Variants in NCAM2 observed in about 807,000 individuals in gnomAD.
NCAM2 encodes the protein N-CAM-2.
In NCAM2, 30 loss-of-function variants were observed where a neutral mutation model predicts 98.1. That is an observed-to-expected ratio of 0.31 (90% CI 0.23 to 0.41). The LOEUF (loss-of-function observed/expected upper bound fraction) is 0.41. NCAM2 is among the 10% of genes least tolerant of loss of function. NCAM2 has a pLI of 1.00. For missense variants in NCAM2, 867 were observed against 1,005.8 expected (o/e 0.86, Z 1.87); for synonymous variants, 368 against 342.4 (o/e 1.07, Z -0.83).
intron 1 of NCAM2, among the ~76,000 whole-genome samples, chr21:21,162,955 A>G (rs928547931): frequency 6.6e-6 from 1 of 152,170 alleles, no homozygotes; most frequent in African/African-American, 2.4e-5. Flanking sequence ...CTGTGAGGAG[A>G]TAAAACTGCT....
chr21:21,427,317 TAAAG>T (rs2077236339), intron 11 of NCAM2, among the ~76,000 whole-genome samples: 1 of 151,948 alleles, frequency 6.6e-6, no homozygotes, highest in Non-Finnish European at 1.5e-5. Flanking sequence ...AGCTATCTGA[TAAAG>T]AAAAATTTTG....
chr21:21,258,263 A>G (rs1601787992), intron 1 of NCAM2, among the ~76,000 whole-genome samples: 1 of 152,308 alleles, frequency 6.6e-6, no homozygotes, highest in South Asian at 2.1e-4. Flanking sequence ...TAGGGTAAGT[A>G]ATAAAATATT....
chr21:21,207,905 G>A (rs946816578), intron 1 of NCAM2, among the ~76,000 whole-genome samples: 4 of 152,096 alleles, frequency 2.6e-5, no homozygotes, highest in Non-Finnish European at 4.4e-5. Flanking sequence ...CTTTTCATAT[G>A]ACTTGTCAAG....
chr21:21,105,879 G>T (rs988712272), intron 1 of NCAM2, among the ~76,000 whole-genome samples: 2 of 151,998 alleles, frequency 1.3e-5, no homozygotes, highest in Admixed American at 1.3e-4. Flanking sequence ...ATTTATAATA[G>T]TGGATACTTG....
intron 9 of NCAM2, among the ~76,000 whole-genome samples, chr21:21,391,902 T>C (rs576315620): frequency 6.6e-6 from 1 of 152,230 alleles, no homozygotes; most frequent in African/African-American, 2.4e-5. Context: ...TAAGAGCAAT[T>C]ATCAATGAGT....
intron 1 of NCAM2, among the ~76,000 whole-genome samples, chr21:21,091,447 A>C (rs541646100): frequency 5.3e-5 from 8 of 152,246 alleles, no homozygotes; most frequent in African/African-American, 1.9e-4. Flanking sequence ...TGTTCATTAA[A>C]GTACATAGTG....
intron 15 of NCAM2, among the ~76,000 whole-genome samples, chr21:21,493,009 G>T (rs149982704): frequency 1.6e-4 from 25 of 151,942 alleles, no homozygotes; most frequent in African/African-American, 6.0e-4. Context: ...CTTGGCTCTT[G>T]AAAAACATCC....
chr21:21,510,518 G>A (rs1470563373), intron 16 of NCAM2, among the ~76,000 whole-genome samples: 1 of 152,044 alleles, frequency 6.6e-6, no homozygotes, highest in African/African-American at 2.4e-5. Context: ...AAGGACTGAT[G>A]CTTTTTTATT....
intron 9 of NCAM2, among the ~76,000 whole-genome samples, chr21:21,405,704 AG>A: frequency 0.036 from 1 of 28 alleles, no homozygotes; most frequent in Admixed American, 0.5. Flanking sequence ...CAACTGTGCT[AG>A]GGAGACAATT....
chr21:21,369,737 T>G (rs1010471146), intron 8 of NCAM2, among the ~76,000 whole-genome samples: 6 of 151,802 alleles, frequency 4.0e-5, no homozygotes, highest in Non-Finnish European at 7.4e-5. Context: ...TTGGTCTTTC[T>G]TTTGCTTGGG....
chr21:21,055,242 T>C lies in NCAM2; in HGVS notation c.55+56624T>C, dbSNP rs560079327. On this transcript the variant is annotated intron_variant, in intron 1 of 17. Transcript: ENST00000400546. Reference sequence around the variant, plus strand: ...AACCAAGAAGCCACATGAAGTCATATAAATTGTCTCCAAAACACTTAAAGA... The same window carrying C: ...AACCAAGAAGCCACATGAAGTCATACAAATTGTCTCCAAAACACTTAAAGA... Among the ~76,000 whole-genome samples, 13 of 152,154 alleles carry C rather than the reference T, an allele frequency of 8.5e-5. No homozygotes were observed. The South Asian group carries it at 2.3e-3, about 27-fold the overall frequency.
intron 1 of NCAM2, among the ~76,000 whole-genome samples, chr21:21,102,116 C>T (rs190425731): frequency 7.9e-5 from 12 of 152,084 alleles, no homozygotes; most frequent in Admixed American, 1.3e-4. Flanking sequence ...GAGCCCCCTG[C>T]TGACCTTAAC....
chr21:21,286,777 A>T (rs2073118912), intron 4 of NCAM2, among the ~76,000 whole-genome samples: 1 of 151,972 alleles, frequency 6.6e-6, no homozygotes, highest in Non-Finnish European at 1.5e-5. Flanking sequence ...GGAGATTTAC[A>T]GAAAAGGTTT....
intron 1 of NCAM2, among the ~76,000 whole-genome samples, chr21:21,189,583 A>G (rs965160380): frequency 6.6e-6 from 1 of 152,194 alleles, no homozygotes; most frequent in East Asian, 1.9e-4. Flanking sequence ...AATAAAAAAA[A>G]TAAATTCCAG....
chr21:21,359,843 A>G (rs1309958467), intron 8 of NCAM2, among the ~76,000 whole-genome samples: 1 of 151,958 alleles, frequency 6.6e-6, no homozygotes, highest in Non-Finnish European at 1.5e-5. Flanking sequence ...AGACTTAACA[A>G]AAACAACAAA....
In NCAM2 at chr21:21,147,539, A is replaced by G. The variant is rs180958421; in HGVS notation, c.56-133039A>G. On this transcript the variant is annotated intron_variant, in intron 1 of 17. Coordinates refer to ENST00000400546, the MANE Select transcript of NCAM2 (RefSeq NM_004540.5). ...ATATATACACTAATAATGCAGCCAC[A>G]GTATACATACATGCCGTGGTATACT... Among the ~76,000 whole-genome samples the G allele has an allele frequency of 5.3e-5, 8 of 151,574 alleles. No individual in the cohort carries two copies. In the East Asian group the frequency reaches 1.6e-3, roughly 29 times the overall value.
At chr21:21,165,525 A>G (rs570924167) in intron 1 of NCAM2, among the ~76,000 whole-genome samples, 47 of 152,140 alleles carry the variant, frequency 3.1e-4, no homozygotes, top group Non-Finnish European at 5.9e-4. Flanking sequence ...AACCACGCAT[A>G]CTCTTACCAG....
chr21:21,049,065 G>A (rs1489407673), intron 1 of NCAM2, among the ~76,000 whole-genome samples: 2 of 132,200 alleles, frequency 1.5e-5, no homozygotes, highest in Non-Finnish European at 3.1e-5. Context: ...AGGCTGGACT[G>A]CGGACTGCAG....
chr21:21,408,209 G>T (rs903559105), intron 9 of NCAM2, among the ~76,000 whole-genome samples: 3 of 152,130 alleles, frequency 2.0e-5, no homozygotes, highest in Admixed American at 1.3e-4. Flanking sequence ...GAACTGAAGA[G>T]TGTGGAAAGG....
Sources: gnomAD v4.1 joint callset for allele counts (sites outside exome capture counted in the v4.1 genomes callset) on GRCh38, gnomAD v4.1.1 for gene constraint, MANE v1.5 for transcripts, NCBI Gene and HGNC (gene_info 2026-07-23, HGNC 2026-07-21) for gene names.